TENM1: variants seen among roughly 807,000 people sequenced by gnomAD.
TENM1 encodes teneurin-1.
A neutral mutation model predicts 174.8 loss-of-function variants in TENM1; 35 were observed. The ratio of observed to expected loss-of-function variants is 0.20; its 90% CI spans 0.15 to 0.27. The LOEUF (loss-of-function observed/expected upper bound fraction) is 0.27. TENM1 is among the 10% of genes least tolerant of loss of function. The probability of loss-of-function intolerance (pLI) is 1.00; values close to 1 mark genes in which losing one functional copy is unlikely to be tolerated. For missense variants in TENM1, 1,633 were observed against 2,130.1 expected (o/e 0.77, Z 4.59); for synonymous variants, 781 against 798.7 (o/e 0.98, Z 0.37).
At chrX:124,994,208 TTGAC>T in the TENM1 span, among the ~76,000 whole-genome samples, 83 of 97,314 alleles carry the variant, frequency 8.5e-4, 4 homozygotes, top group Middle Eastern at 5.9e-3. Context: ...CTTCATTTAA[TTGAC>T]TGACTTTTTT....
upstream of TENM1, among the ~76,000 whole-genome samples, chrX:124,966,617 G>C (rs1172883640): frequency 9.6e-6 from 1 of 104,629 alleles, no homozygotes; most frequent in Non-Finnish European, 1.9e-5. Flanking sequence ...AGCCGAGATC[G>C]CGCCACTGCA....
intron 4 of TENM1, among the ~76,000 whole-genome samples, chrX:124,714,666 A>G (rs932169956): frequency 2.0e-4 from 22 of 111,451 alleles, no homozygotes; most frequent in Non-Finnish European, 3.2e-4. Context: ...GGACTTTCCC[A>G]TGTCAATTAA....
At chrX:124,600,026 ATG>A (rs1383549126) in intron 11 of TENM1, among the ~76,000 whole-genome samples, 2 of 109,168 alleles carry the variant, frequency 1.8e-5, no homozygotes, top group African/African-American at 3.4e-5. Context: ...GTATATATAT[ATG>A]TGTGTGTGTG....
At chrX:124,980,730 T>C in the TENM1 span, among the ~76,000 whole-genome samples, 2 of 111,422 alleles carry the variant, frequency 1.8e-5, no homozygotes, top group Non-Finnish European at 1.9e-5. Context: ...CTGTTTAGAA[T>C]TTGTGATCAG....
chrX:124,823,285 G>A (rs987098788), intron 3 of TENM1, among the ~76,000 whole-genome samples: 1 of 112,163 alleles, frequency 8.9e-6, no homozygotes, highest in Non-Finnish European at 1.9e-5. Flanking sequence ...TTAGACGGAT[G>A]TGTTATAACA....
At position 124,422,408 on chromosome X, in the gene TENM1, C is replaced by A. The variant is rs772209572; in HGVS notation, c.4335G>T (p.Leu1445=). 20 of 1,209,590 alleles carry A rather than the reference C, an allele frequency of 1.7e-5. No homozygotes were observed. In the Admixed American group the frequency reaches 3.9e-4, roughly 24 times the overall value. The change falls in exon 24 of 32, where the codon CTG becomes CTT. Residue 1445 remains leucine (L), a synonymous_variant. Transcript: ENST00000422452. ...TCTCGTCTGTTTCAGCTATGAAGAG[C>A]AGCCCGCTGTGGGAGACACTGATGG...
At chrX:124,911,791 C>G (rs974537467) in intron 1 of TENM1, among the ~76,000 whole-genome samples, 1 of 111,614 alleles carries the variant, frequency 9.0e-6, no homozygotes, top group Non-Finnish European at 1.9e-5. Flanking sequence ...ATATCTCATG[C>G]TGCTTACTAT....
At chrX:124,781,785 T>C (rs746756403) in intron 3 of TENM1, among the ~76,000 whole-genome samples, 1 of 110,935 alleles carries the variant, frequency 9.0e-6, no homozygotes, top group Non-Finnish European at 1.9e-5. Context: ...TCTTATCTGC[T>C]CTCCTGCTTT....
chrX:124,931,269 A>AC (rs2058166761), intron 1 of TENM1, among the ~76,000 whole-genome samples: 1 of 111,262 alleles, frequency 9.0e-6, no homozygotes, highest in African/African-American at 3.3e-5. Context: ...AAAAAAAAAA[A>AC]AAAATCAACA....
intron 11 of TENM1, among the ~76,000 whole-genome samples, chrX:124,586,063 A>G (rs921661059): frequency 1.1e-4 from 12 of 109,996 alleles, no homozygotes; most frequent in African/African-American, 3.7e-4. Flanking sequence ...CCAACCAAAA[A>G]GAGTCCAGGA....
rs144374503 is a variant in TENM1, at chrX:124,943,499, C to T, written c.217+20038G>A. ...TAAAACAAAAGCCAAAATAAAAAAG[C>T]TATCAGTTATGCTTCTCAACATGAG... is the stretch of plus-strand genomic sequence containing the variant. On this transcript the variant is annotated intron_variant, in intron 1 of 31. Coordinates refer to ENST00000422452, the Ensembl canonical transcript of TENM1. 2.0e-3 allele frequency among the ~76,000 whole-genome samples: 224 copies of T among 112,117 alleles called. 2 individuals are homozygous for T. The highest frequency in any genetic ancestry group is 7.0e-3 in the African/African-American group (216 of 30,977).
the TENM1 span, among the ~76,000 whole-genome samples, chrX:125,104,628 G>A: frequency 4.2e-5 from 4 of 94,396 alleles, no homozygotes; most frequent in Non-Finnish European, 6.2e-5. Context: ...AAAGGGAAGA[G>A]CCTTTTTTTT....
At chrX:124,750,482 T>G (rs181475430) in intron 3 of TENM1, among the ~76,000 whole-genome samples, 1 of 112,278 alleles carries the variant, frequency 8.9e-6, no homozygotes, top group Non-Finnish European at 1.9e-5. Context: ...TTTACTTCTT[T>G]TTAGTGTTTT....
chrX:124,916,889 A>G (rs2057935040), intron 1 of TENM1, among the ~76,000 whole-genome samples: 2 of 110,365 alleles, frequency 1.8e-5, no homozygotes, highest in African/African-American at 6.6e-5. Context: ...CCCAGCCTTC[A>G]GAACCGTGAG....
intron 23 of TENM1, among the ~76,000 whole-genome samples, chrX:124,446,825 C>T (rs1298418630): frequency 8.9e-6 from 1 of 112,489 alleles, no homozygotes; most frequent in Non-Finnish European, 1.9e-5. Flanking sequence ...TAGATTATTG[C>T]TATCCAATAT....
intron 22 of TENM1, among the ~76,000 whole-genome samples, chrX:124,470,800 C>A: frequency 9.1e-6 from 1 of 110,142 alleles, no homozygotes; most frequent in Non-Finnish European, 1.9e-5. Flanking sequence ...AGTACTATGA[C>A]ACTCCTTCTT....
At chrX:124,583,880 T>C (rs796593547) in intron 11 of TENM1, among the ~76,000 whole-genome samples, 5,766 of 104,660 alleles carry the variant, frequency 0.055, 174 homozygotes, top group South Asian at 0.2. Context: ...GAGAACTACG[T>C]GAAGAATGCA....
chrX:124,711,534 C>T (rs988330765), intron 4 of TENM1, among the ~76,000 whole-genome samples: 11 of 111,541 alleles, frequency 9.9e-5, no homozygotes, highest in African/African-American at 3.6e-4. Flanking sequence ...AAGCATCTGA[C>T]TCATTTTTGT....
intron 5 of TENM1, among the ~76,000 whole-genome samples, chrX:124,699,036 T>G (rs921490724): frequency 6.2e-5 from 7 of 112,067 alleles, no homozygotes; most frequent in African/African-American, 2.3e-4. Flanking sequence ...TAATTTAGTT[T>G]ATTCTTATTC....
Sources: gnomAD v4.1 joint callset for allele counts (sites outside exome capture counted in the v4.1 genomes callset) on GRCh38, gnomAD v4.1.1 for gene constraint, MANE v1.5 for transcripts, NCBI Gene and HGNC (gene_info 2026-07-23, HGNC 2026-07-21) for gene names.